TKTL1: variants seen among roughly 807,000 people sequenced by gnomAD.
The protein encoded by TKTL1 is transketolase-like protein 1.
Under a neutral mutation model 39.3 loss-of-function variants are expected in TKTL1, and 1 was observed. The observed-to-expected ratio is 0.03, with a 90% CI of 0.01 to 0.12. The LOEUF is 0.12. TKTL1 is among the 10% of genes least tolerant of loss of function. The pLI, the probability that TKTL1 is intolerant of heterozygous loss-of-function variation, is 1.00. For missense variants in TKTL1, 575 were observed against 509.6 expected, an observed-to-expected ratio of 1.13 and a Z score of -1.24; for synonymous variants, 262 against 193.8, an observed-to-expected ratio of 1.35 and a Z score of -2.92.
chrX:154,325,434 C>T lies in TKTL1; in HGVS notation c.1401+12C>T. The T allele has an allele frequency of 8.5e-7, 1 of 1,177,579 alleles. No individual in the cohort carries two copies. Among genetic ancestry groups the T allele is most frequent in the Non-Finnish European group, 1.2e-6 (1 of 864,646 alleles). On this transcript the variant is annotated intron_variant, in intron 10 of 12. Transcript: ENST00000369915. ...TCGGACAGGCCAAGGTAAGGGCTTA[C>T]GCGCTCCTGCGTTATTCAGTATCAT...
intron 8 of TKTL1, among the ~76,000 whole-genome samples, chrX:154,322,089 C>T (rs1254956309): frequency 9.1e-6 from 1 of 109,527 alleles, no homozygotes; most frequent in Non-Finnish European, 1.9e-5. Context: ...GAAAAATTAG[C>T]CAGGTGTGGT....
In TKTL1 at chrX:154,311,249, A is replaced by T; in HGVS notation, c.670+11A>T. On this transcript the variant is annotated intron_variant, in intron 5 of 12. Coordinates refer to ENST00000369915, the MANE Select transcript of TKTL1 (RefSeq NM_012253.4). Reference sequence around the variant, plus strand: ...GCCGGGGCACCCCAAGTAAGCAAGCACTTTCCTCCTGCTCCTGGTTGTTAA... The same window carrying T: ...GCCGGGGCACCCCAAGTAAGCAAGCTCTTTCCTCCTGCTCCTGGTTGTTAA... 8.3e-7 allele frequency: 1 copy of T among 1,210,728 alleles called. No homozygotes were observed. The highest frequency in any genetic ancestry group is 1.1e-6 in the Non-Finnish European group (1 of 894,528).
In TKTL1 at chrX:154,318,989, G is replaced by GT. The variant is rs782685429; in HGVS notation, c.1030-1759dup. On this transcript the variant is annotated intron_variant, in intron 7 of 12. Transcript: ENST00000369915. The stretch of plus-strand genomic sequence containing the variant: ...TATAATATAGGCTTCTGAGCATTAG[G>GT]TTTTTTTTTCTGGACTGAGATAGAA... 5.3e-3 allele frequency among the ~76,000 whole-genome samples: 584 copies of GT among 109,307 alleles called. 6 individuals are homozygous for GT. The highest frequency in any genetic ancestry group is 0.018 in the African/African-American group (551 of 30,144). 94.9% of individuals were successfully genotyped at this position (109,307 alleles called of 115,157 possible).
At chrX:154,314,774 C>T (rs1156729080) in intron 6 of TKTL1, among the ~76,000 whole-genome samples, 1 of 111,328 alleles carries the variant, frequency 9.0e-6, no homozygotes, top group Admixed American at 9.6e-5. Flanking sequence ...GTCCACCTGC[C>T]TCAGCCTCCC....
chrX:154,317,502 C>A (rs992833475), intron 7 of TKTL1, among the ~76,000 whole-genome samples: 1 of 112,254 alleles, frequency 8.9e-6, no homozygotes, highest in Non-Finnish European at 1.9e-5. Flanking sequence ...AGAAAACTCT[C>A]CAGGGCCCAG....
chrX:154,304,445 T>C (rs782269614), intron 1 of TKTL1, among the ~76,000 whole-genome samples: 2 of 110,058 alleles, frequency 1.8e-5, no homozygotes, highest in African/African-American at 6.6e-5. Context: ...GCTTTTTTTT[T>C]ATCAGGCTGG....
At chrX:154,320,974 T>A in intron 8 of TKTL1, 61 bp downstream of exon 8, 1 of 1,126,683 alleles carries the variant, frequency 8.9e-7, no homozygotes, top group Non-Finnish European at 1.2e-6. Flanking sequence ...AAGATTAGCA[T>A]GTGATTGGTT....
intron 7 of TKTL1, among the ~76,000 whole-genome samples, chrX:154,318,707 CAAAAAAA>C (rs1208196360): frequency 4.0e-4 from 12 of 30,138 alleles, no homozygotes; most frequent in Admixed American, 3.2e-3. Flanking sequence ...GCCTCCGTCT[CAAAAAAA>C]AAAAAAAAAA....
At chrX:154,329,445 C>T in intron 12 of TKTL1, 71 bp from the exon 13 acceptor site, 5 of 1,067,386 alleles carry the variant, frequency 4.7e-6, no homozygotes, top group Middle Eastern at 3.4e-4. Context: ...GATTCAAAGG[C>T]CTCTATGTGG....
chrX:154,317,519 C>A (rs368205265), intron 7 of TKTL1, among the ~76,000 whole-genome samples: 2 of 112,234 alleles, frequency 1.8e-5, no homozygotes, highest in Non-Finnish European at 3.8e-5. Context: ...CCAGGTCATA[C>A]GGGGTCTTAT....
chrX:154,299,421 C>T (rs941183448), intron 1 of TKTL1, among the ~76,000 whole-genome samples: 4 of 110,552 alleles, frequency 3.6e-5, no homozygotes, highest in African/African-American at 1.3e-4. Flanking sequence ...TCCCAAAGTG[C>T]TGGGATTACA....
At position 154,315,356 on chromosome X, in the gene TKTL1, TC is replaced by T; in HGVS notation, c.1029+20del. On this transcript the variant is annotated intron_variant, in intron 7 of 12. Coordinates refer to ENST00000369915, the MANE Select transcript of TKTL1 (RefSeq NM_012253.4). ...AAACATGGTGAGTGTGTAGTGTCTC[TC>T]AGGGCTTCTTAGAATCAATGGCCCA... The T allele has an allele frequency of 8.5e-7, 1 of 1,181,851 alleles. No individual in the cohort carries two copies. Among genetic ancestry groups the T allele is most frequent in the Non-Finnish European group, 1.1e-6 (1 of 876,668 alleles).
chrX:154,297,088 C>T (rs782057297), intron 1 of TKTL1, among the ~76,000 whole-genome samples: 1 of 111,224 alleles, frequency 9.0e-6, no homozygotes. Flanking sequence ...CCCAGGAGTT[C>T]GCATTCAGCT....
rs782370507 is a variant in TKTL1, at chrX:154,327,949, T to C, written c.1609T>C (p.Tyr537His). ...EGRIITVEDHYPQGGIGEAVC... is the reference protein window; with the variant it reads ...EGRIITVEDHHPQGGIGEAVC... ...CCGGATCATTACAGTGGAGGATCAC[T>C]ACCCGCAAGGTGTGTGTGGGCATTG... Residue 537 changes from tyrosine (Y) to histidine (H), a missense_variant, in exon 12 of 13, where the codon TAC becomes CAC. By Grantham distance (83) the Tyr-to-His change is moderately conservative. Transcript: ENST00000369915. 9.9e-6 allele frequency: 12 copies of C among 1,210,156 alleles called. No homozygotes were observed. Among genetic ancestry groups the C allele is most frequent in the African/African-American group, 1.7e-5 (1 of 57,252 alleles).
rs781961347 is a variant in TKTL1, at chrX:154,302,035, A to G, written c.135-3269A>G. On this transcript the variant is annotated intron_variant, in intron 1 of 12. Coordinates refer to ENST00000369915, the MANE Select transcript of TKTL1 (RefSeq NM_012253.4). The stretch of plus-strand genomic sequence containing the variant: ...TTGGTTTCCTCGCTGTTTGCCGGCT[A>G]TTGGCATTTGTGTCATCACACACAG... Among the ~76,000 whole-genome samples, 4 of 110,081 alleles carry G rather than the reference A, an allele frequency of 3.6e-5. No homozygotes were observed. The East Asian group carries it at 1.1e-3, about 31-fold the overall frequency.
chrX:154,316,411 A>T (rs1460158709), intron 7 of TKTL1, among the ~76,000 whole-genome samples: 2 of 111,059 alleles, frequency 1.8e-5, no homozygotes, highest in South Asian at 3.8e-4. Flanking sequence ...AGCATTTAAA[A>T]ATCAGATTAT....
At chrX:154,311,819 C>T (rs1226704769) in intron 5 of TKTL1, among the ~76,000 whole-genome samples, 1 of 111,418 alleles carries the variant, frequency 9.0e-6, no homozygotes, top group Non-Finnish European at 1.9e-5. Context: ...TGGTACCCTC[C>T]GTTCAGTAAA....
Position 154,295,956 on chromosome X carries a change from A to G in TKTL1, c.97A>G (p.Ile33Val). The change falls in exon 1 of 13, where the codon ATC (isoleucine) becomes GTC (valine). Residue 33 changes from isoleucine to valine, a missense_variant. Physicochemically the swap from Ile to Val is conservative, Grantham distance 29. Coordinates refer to ENST00000369915, the MANE Select transcript of TKTL1 (RefSeq NM_012253.4). ...GCAAGATATGGCCAGCCGCTTGCGA[A>G]TCCATTCCATCAGGGCCACATGCTC... ...VLQDMASRLR[I>V]HSIRATCSTS... The G allele has an allele frequency of 8.3e-7, 1 of 1,211,640 alleles. No individual in the cohort carries two copies. Among genetic ancestry groups the G allele is most frequent in the South Asian group, 1.8e-5 (1 of 57,004 alleles).
Position 154,320,694 on chromosome X carries a change from T to A in TKTL1, c.1030-63T>A, listed in dbSNP as rs2067442004. On this transcript the variant is annotated intron_variant, in intron 7 of 12. Coordinates refer to ENST00000369915, the MANE Select transcript of TKTL1 (RefSeq NM_012253.4). ...AGAATGGGAGTTATCATGGGGACTG[T>A]GGGAGAAGGGGCGGTGGGGGCAATG... 37 of 1,102,316 alleles carry A rather than the reference T, an allele frequency of 3.4e-5. No individual in the cohort carries two copies. The South Asian group carries it at 6.3e-4, about 19-fold the overall frequency. 90.8% of individuals were successfully genotyped at this position (1,102,316 alleles called of 1,213,427 possible). A position where few individuals can be genotyped will look rare whatever the true frequency, so the allele number is the denominator to read the frequency against.
Sources: allele counts gnomAD v4.1 joint callset (sites outside exome capture counted in the v4.1 genomes callset), GRCh38; gene constraint gnomAD v4.1.1; transcripts MANE v1.5; gene names NCBI Gene and HGNC (gene_info 2026-07-23, HGNC 2026-07-21).